Variants in GABRA4 observed in about 807,000 individuals in gnomAD.
GABRA4 encodes the protein gamma-aminobutyric acid receptor subunit alpha-4.
GABRA4 carries 12 observed loss-of-function variants against 49.7 expected under a neutral mutation model. That is an observed-to-expected ratio of 0.24 (90% CI 0.15 to 0.39). GABRA4 has a LOEUF of 0.39. Among genes scored for constraint, GABRA4 ranks in the 10% least tolerant of loss-of-function variants. The probability of loss-of-function intolerance (pLI) is 1.00; values close to 1 mark genes in which losing one functional copy is unlikely to be tolerated. For missense variants in GABRA4, 506 were observed against 686.0 expected (o/e 0.74, Z 2.93); for synonymous variants, 288 against 240.2 (o/e 1.20, Z -1.84).
At chr4:46,939,488 T>A (rs896108929) in intron 8 of GABRA4, among the ~76,000 whole-genome samples, 1 of 152,030 alleles carries the variant, frequency 6.6e-6, no homozygotes, top group African/African-American at 2.4e-5. Context: ...ACCTAAAACG[T>A]TGAGCACCTC....
Position 46,924,211 on chromosome 4 carries a change from C to T in GABRA4, c.*4014G>A, listed in dbSNP as rs759568699. On this transcript the variant is annotated 3_prime_UTR_variant, in exon 9 of 9. Transcript: ENST00000264318. ...CCTGAGGCAGAAGAAAATATTATTACTACTGATTCTATTAATTTATTTAAA... is the reference window on the plus strand; with the variant it reads ...CCTGAGGCAGAAGAAAATATTATTATTACTGATTCTATTAATTTATTTAAA... 16 of 152,050 alleles carry T rather than the reference C, an allele frequency of 1.1e-4. No homozygotes were observed. The highest frequency in any genetic ancestry group is 2.2e-4 in the Non-Finnish European group (15 of 67,974). 9.4% of individuals were successfully genotyped at this position (152,050 alleles called of 1,614,324 possible).
At chr4:46,976,927 CCAGAAATAAAACCGGA>C in intron 5 of GABRA4, 118 bp downstream of exon 5, 1 of 549,950 alleles carries the variant, frequency 1.8e-6, no homozygotes, top group Non-Finnish European at 3.3e-6. Flanking sequence ...AATGAAATCT[CCAGAAATAAAACCGGA>C]CAGTTTTTGT....
In GABRA4 at chr4:46,992,525, G is replaced by T. The variant is rs543784450; in HGVS notation, c.205+303C>A. 2.0e-4 allele frequency: 80 copies of T among 401,072 alleles called. No homozygotes were observed. In the East Asian group the frequency reaches 3.1e-3, roughly 16 times the overall value. The allele number at this position is 401,072 out of a possible 1,614,324, so 24.8% of individuals were successfully genotyped here. ...ACTATTCTCAGCGAAGAGCGTCCAG[G>T]CAGCTGAGCCCAGAGTTCCCATTTT... On this transcript the variant is annotated intron_variant, in intron 2 of 8. Transcript: ENST00000264318.
chr4:46,983,920 C>T (rs948823326), intron 2 of GABRA4, among the ~76,000 whole-genome samples: 1 of 151,822 alleles, frequency 6.6e-6, no homozygotes. Context: ...CAAGATGATT[C>T]AACAGTTTTT....
At chr4:46,955,383 T>G (rs765022672) in intron 8 of GABRA4, among the ~76,000 whole-genome samples, 5 of 152,114 alleles carry the variant, frequency 3.3e-5, no homozygotes, top group Non-Finnish European at 7.4e-5. Flanking sequence ...CATGTGACAT[T>G]ATTGCCAATG....
intron 2 of GABRA4, among the ~76,000 whole-genome samples, chr4:46,992,000 A>G (rs1409643661): frequency 1.3e-5 from 2 of 152,142 alleles, no homozygotes; most frequent in Non-Finnish European, 2.9e-5. Flanking sequence ...AAACCTATGA[A>G]TGGGACCCTA....
At chr4:46,974,142 A>G (rs1723053086) in intron 6 of GABRA4, 90 bp downstream of exon 6, 2 of 1,340,348 alleles carry the variant, frequency 1.5e-6, no homozygotes, top group South Asian at 3.1e-5. Context: ...TGTTCTCCTG[A>G]AAAAATTAAC....
chr4:46,938,334 C>T (rs923515682), intron 8 of GABRA4, among the ~76,000 whole-genome samples: 2 of 152,064 alleles, frequency 1.3e-5, no homozygotes, highest in East Asian at 3.9e-4. Flanking sequence ...GAATAGCCAT[C>T]CAGAAAGATT....
chr4:46,943,586 G>T (rs1035181221), intron 8 of GABRA4, among the ~76,000 whole-genome samples: 3 of 151,816 alleles, frequency 2.0e-5, no homozygotes, highest in Non-Finnish European at 4.4e-5. Flanking sequence ...TACATGATTT[G>T]GGCCCTGCCT....
rs1723251882 is a variant in GABRA4 at position 46,978,945 on chromosome 4, T to G, written c.273+86A>C. The G allele has an allele frequency of 3.4e-6, 3 of 882,954 alleles. No individual in the cohort carries two copies. In the Admixed American group the frequency reaches 5.6e-5, roughly 16 times the overall value. 54.7% of individuals were successfully genotyped at this position (882,954 alleles called of 1,614,324 possible). On this transcript the variant is annotated intron_variant, in intron 3 of 8. Coordinates refer to ENST00000264318, the MANE Select transcript of GABRA4 (RefSeq NM_000809.4). Reference sequence around the variant, plus strand: ...CTTTAGGTTTCTGGCTTTGTGTGATTGACAACAAAATAAATATTAATTGCC... The same window carrying G: ...CTTTAGGTTTCTGGCTTTGTGTGATGGACAACAAAATAAATATTAATTGCC...
chr4:46,956,601 A>G (rs1722371933), intron 8 of GABRA4, among the ~76,000 whole-genome samples: 1 of 151,880 alleles, frequency 6.6e-6, no homozygotes, highest in Non-Finnish European at 1.5e-5. Flanking sequence ...TCTGCCCATC[A>G]GCCAAGTCCA....
At chr4:46,948,767 C>G (rs1722066333) in intron 8 of GABRA4, among the ~76,000 whole-genome samples, 1 of 151,962 alleles carries the variant, frequency 6.6e-6, no homozygotes, top group Admixed American at 6.6e-5. Flanking sequence ...TCTTTGATGA[C>G]TGCTTTACAA....
Position 46,974,249 on chromosome 4 carries a change from G to C in GABRA4, c.704C>G (p.Thr235Ser). ...DLIGQTVSSE[T>S]IKSITGEYIV... ...CATCTCACCCGTAATTGATTTGATG[G>C]TTTCACTTGATACGGTTTGCCCAAT... The change falls in exon 6 of 9, where the codon ACC becomes AGC. Residue 235 changes from threonine to serine, a missense_variant. Thr to Ser is a moderately conservative substitution (Grantham distance 58, BLOSUM62 1). Transcript: ENST00000264318. 1 of 1,610,390 alleles carries C rather than the reference G, an allele frequency of 6.2e-7. No homozygotes were observed. The highest frequency in any genetic ancestry group is 1.3e-5 in the African/African-American group (1 of 74,760).
intron 2 of GABRA4, among the ~76,000 whole-genome samples, chr4:46,988,494 A>G (rs573528506): frequency 2.0e-5 from 3 of 152,304 alleles, no homozygotes; most frequent in South Asian, 2.1e-4. Context: ...GTATTTCTCT[A>G]TTGACATTTA....
At chr4:46,991,399 C>T (rs1334661956) in intron 2 of GABRA4, among the ~76,000 whole-genome samples, 2 of 152,074 alleles carry the variant, frequency 1.3e-5, no homozygotes, top group African/African-American at 2.4e-5. Context: ...AAAGAAACAC[C>T]CAACTCTACT....
intron 8 of GABRA4, among the ~76,000 whole-genome samples, chr4:46,953,223 A>G (rs907414732): frequency 6.6e-6 from 1 of 152,112 alleles, no homozygotes; most frequent in African/African-American, 2.4e-5. Flanking sequence ...GCTGACGATC[A>G]ATAAAATACA....
chr4:46,930,318 C>T (rs925027224), intron 8 of GABRA4, among the ~76,000 whole-genome samples: 1 of 152,038 alleles, frequency 6.6e-6, no homozygotes, highest in Non-Finnish European at 1.5e-5. Context: ...CTATACAGAA[C>T]ATTGTAAATG....
intron 6 of GABRA4, among the ~76,000 whole-genome samples, chr4:46,971,561 T>G (rs558316841): frequency 6.6e-6 from 1 of 151,476 alleles, no homozygotes; most frequent in Non-Finnish European, 1.5e-5. Context: ...CAGCGTTTTT[T>G]AGAAACAGCA....
At chr4:46,958,893 C>T (rs930355583) in intron 8 of GABRA4, among the ~76,000 whole-genome samples, 1 of 151,910 alleles carries the variant, frequency 6.6e-6, no homozygotes, top group African/African-American at 2.4e-5. Context: ...GTCATGTAGA[C>T]TCTAAAGACA....
Sources: allele counts gnomAD v4.1 joint callset (sites outside exome capture counted in the v4.1 genomes callset), GRCh38; gene constraint gnomAD v4.1.1; transcripts MANE v1.5; gene names NCBI Gene and HGNC (gene_info 2026-07-23, HGNC 2026-07-21).